Variants in CEP131 observed in about 807,000 individuals in gnomAD.
CEP131 encodes centrosomal protein 131, also known as centrosomal protein of 131 kDa.
A neutral mutation model predicts 136.8 loss-of-function variants in CEP131; 99 were observed. That is an observed-to-expected ratio of 0.72 (90% CI 0.62 to 0.86). The LOEUF (loss-of-function observed/expected upper bound fraction) is 0.86. CEP131 is among the 40% of genes least tolerant of loss of function. CEP131 has a pLI of 0.00. For synonymous variants in CEP131, 646 were observed against 612.7 expected (o/e 1.05, Z -0.80); for missense variants, 1,459 against 1,463.0 (o/e 1.00, Z 0.04).
At position 81,191,060 on chromosome 17, in the gene CEP131, G is replaced by A. The variant is rs772025386; in HGVS notation, c.2790C>T (p.Tyr930=). 11 of 1,607,024 alleles carry A rather than the reference G, an allele frequency of 6.8e-6. No homozygotes were observed. The highest frequency in any genetic ancestry group is 6.7e-5 in the Admixed American group (4 of 59,540). The change falls in exon 23 of 26, where the codon TAC becomes TAT. Residue 930 remains tyrosine, a synonymous_variant. Transcript: ENST00000450824. ...ESRIKRLRDK[Y]EAELSELEQS... is the part of the protein sequence containing the mutation. The stretch of plus-strand genomic sequence containing the variant: ...GCTCCAGCTCGGAGAGCTCGGCCTC[G>A]TACTTGTCCCGTAAGCGCTTGATGC...
chr17:81,219,204 T>C lies in CEP131; in HGVS notation c.177+676A>G, dbSNP rs1299805553. 2.0e-5 allele frequency among the ~76,000 whole-genome samples: 3 copies of C among 151,956 alleles called. No individual in the cohort carries two copies. Among genetic ancestry groups the C allele is most frequent in the Non-Finnish European group, 4.4e-5 (3 of 67,992 alleles). On this transcript the variant is annotated intron_variant, in intron 2 of 25. Coordinates refer to ENST00000450824, the MANE Select transcript of CEP131 (RefSeq NM_014984.4). The surrounding 1 kb of genome is among the most constrained non-coding windows in gnomAD (Gnocchi z 4.0). ...TCTCACCCCGAAGCTCCCACGGCTG[T>C]CCTGCTGCCCACACACCCACACACC...
chr17:81,191,311 G>C lies in CEP131; in HGVS notation c.2647C>G (p.Gln883Glu), dbSNP rs770735063. ...TTCCGGATTTCTTCCCTCAGCTCCTGTTCCCGGTTCAGCAGCCACGCCTCC... is the reference window on the plus strand; with the variant it reads ...TTCCGGATTTCTTCCCTCAGCTCCTCTTCCCGGTTCAGCAGCCACGCCTCC... Reference protein sequence around the residue: ...KEEAWLLNREQELREEIRKGR... With the variant: ...KEEAWLLNREEELREEIRKGR... Residue 883 changes from glutamine (Q) to glutamate (E), a missense_variant, in exon 22 of 26, where the codon CAG becomes GAG. Gln to Glu is a conservative substitution (Grantham distance 29). Around this residue, in one of 3 missense-constraint regions of CEP131, gnomAD observed 1,026 missense variants for 964.2 expected, o/e 1.06. Coordinates refer to ENST00000450824, the MANE Select transcript of CEP131 (RefSeq NM_014984.4). 4.3e-6 allele frequency: 7 copies of C among 1,613,072 alleles called. No homozygotes were observed. The highest frequency in any genetic ancestry group is 1.6e-4 in the Middle Eastern group (1 of 6,084).
Position 81,203,634 on chromosome 17 carries a change from T to C in CEP131, c.516-27A>G, listed in dbSNP as rs1191095894. The C allele has an allele frequency of 6.5e-7, 1 of 1,547,548 alleles. No individual in the cohort carries two copies. Among genetic ancestry groups the C allele is most frequent in the Admixed American group, 1.9e-5 (1 of 52,522 alleles). ...TGCCAGGCCGGAAGAGAGACAGGAA[T>C]GGTCAGGCCTCTGGAGGGGACGCCT... is the stretch of plus-strand genomic sequence containing the variant. On this transcript the variant is annotated intron_variant, in intron 5 of 25. Transcript: ENST00000450824. The surrounding 1 kb of genome is among the most constrained non-coding windows in gnomAD (Gnocchi z 4.6).
At chr17:81,199,051 G>GC in intron 10 of CEP131, 80 bp from the exon 11 acceptor site, 1 of 1,340,388 alleles carries the variant, frequency 7.5e-7, no homozygotes, top group East Asian at 2.5e-5. Context: ...CCGGGAAGGA[G>GC]CCAGGCATGG....
chr17:81,220,294 C>T (rs986951126), intron 1 of CEP131, among the ~76,000 whole-genome samples: 1 of 152,068 alleles, frequency 6.6e-6, no homozygotes, highest in African/African-American at 2.4e-5. Context: ...GGCAGGAGGG[C>T]CCTGGATGAT....
Position 81,189,727 on chromosome 17 carries a change from C to T in CEP131, c.*42G>A. On this transcript the variant is annotated 3_prime_UTR_variant, in exon 26 of 26. Coordinates refer to ENST00000450824, the MANE Select transcript of CEP131 (RefSeq NM_014984.4). ...CTCTGGGCCCACGTCCAGCCTCTGT[C>T]CTCTGCCTTCCGTTCTTCGACAGTG... 3 of 1,553,708 alleles carry T rather than the reference C, an allele frequency of 1.9e-6. No homozygotes were observed. Among genetic ancestry groups the T allele is most frequent in the Non-Finnish European group, 1.7e-6 (2 of 1,146,382 alleles).
In CEP131 at chr17:81,195,647, A is replaced by G. The variant is rs2061737982; in HGVS notation, c.2016+188T>C. 2.6e-5 allele frequency among the ~76,000 whole-genome samples: 4 copies of G among 152,240 alleles called. No individual in the cohort carries two copies. The South Asian group carries it at 8.3e-4, about 32-fold the overall frequency. On this transcript the variant is annotated intron_variant, in intron 16 of 25. Coordinates refer to ENST00000450824, the MANE Select transcript of CEP131 (RefSeq NM_014984.4). ...GGCCCCGCCCCAGAGCCTGGCAGCT[A>G]GAGAGGCAGGAGTGGACCAGCTCGG...
Position 81,189,608 on chromosome 17 carries a change from G to A in CEP131, c.*161C>T. The A allele has an allele frequency of 1.4e-6, 1 of 718,974 alleles. No individual in the cohort carries two copies. Among genetic ancestry groups the A allele is most frequent in the Non-Finnish European group, 2.3e-6 (1 of 437,898 alleles). 44.5% of individuals were successfully genotyped at this position (718,974 alleles called of 1,614,324 possible). ...GTCACTCAAGGCGCTGAAAACAACG[G>A]CCTCCTTTACTGTTAAAATGCAGCC... On this transcript the variant is annotated 3_prime_UTR_variant, in exon 26 of 26. Transcript: ENST00000450824.
chr17:81,209,208 G>A (rs1001966719), intron 2 of CEP131, among the ~76,000 whole-genome samples, 186 bp from the exon 3 acceptor site: 11 of 152,162 alleles, frequency 7.2e-5, no homozygotes, highest in Non-Finnish European at 1.5e-4. Context: ...GCAGGGCAGC[G>A]CGAGGGGGGC....
At position 81,191,291 on chromosome 17, in the gene CEP131, G is replaced by T. The variant is rs1423733403; in HGVS notation, c.2667C>A (p.Ile889=). 1 of 1,613,480 alleles carries T rather than the reference G, an allele frequency of 6.2e-7. No individual in the cohort carries two copies. The highest frequency in any genetic ancestry group is 8.5e-7 in the Non-Finnish European group (1 of 1,179,962). ...LNREQELREE[I]RKGRDKEIEL... ...CAATCTCCTTGTCCCGGCCTTTCCG[G>T]ATTTCTTCCCTCAGCTCCTGTTCCC... is the stretch of plus-strand genomic sequence containing the variant. Residue 889 remains isoleucine, a synonymous_variant, in exon 22 of 26, where the codon ATC becomes ATA. Transcript: ENST00000450824.
rs1199785882 is a variant in CEP131, at chr17:81,194,013, C to T, written c.2234G>A (p.Cys745Tyr). Reference protein sequence around the residue: ...LQSDERASQRCLRQAEELREQ... With the variant: ...LQSDERASQRYLRQAEELREQ... ...CCGCAGCTCCTCGGCCTGGCGCAGG[C>T]AGCGCTGCGAGGCCCGCTCATCCGA... The change falls in exon 18 of 26, where the codon TGC becomes TAC. Residue 745 changes from cysteine (C) to tyrosine (Y), a missense_variant. Physicochemically the swap from Cys to Tyr is radical, Grantham distance 194. Transcript: ENST00000450824. The T allele has an allele frequency of 6.4e-7, 1 of 1,563,786 alleles. No individual in the cohort carries two copies. The highest frequency in any genetic ancestry group is 2.3e-5 in the East Asian group (1 of 43,034).
At chr17:81,197,120 C>T (rs977460471) in intron 13 of CEP131, 65 bp from the exon 14 acceptor site, 19 of 1,528,506 alleles carry the variant, frequency 1.2e-5, no homozygotes, top group East Asian at 7.3e-5. Flanking sequence ...GGACCTGACA[C>T]GATGCCCCTG....
At chr17:81,213,899 A>G (rs1351033023) in intron 2 of CEP131, among the ~76,000 whole-genome samples, 2 of 152,194 alleles carry the variant, frequency 1.3e-5, no homozygotes, top group East Asian at 3.9e-4. Context: ...CAGTCTGATC[A>G]CGAGAAAAAT....
At chr17:81,217,526 C>A (rs983320206) in intron 2 of CEP131, among the ~76,000 whole-genome samples, 3 of 152,212 alleles carry the variant, frequency 2.0e-5, no homozygotes, top group East Asian at 3.9e-4. Context: ...GGGCAGGTGG[C>A]CGAGAGGATG....
chr17:81,201,020 T>C (rs2061878904), intron 7 of CEP131, among the ~76,000 whole-genome samples: 1 of 152,066 alleles, frequency 6.6e-6, no homozygotes, highest in Admixed American at 6.5e-5. Flanking sequence ...CTCATGGAAC[T>C]GCACACTTAC....
At position 81,192,606 on chromosome 17, in the gene CEP131, A is replaced by G; in HGVS notation, c.2430-13T>C. The G allele has an allele frequency of 6.6e-7, 1 of 1,516,660 alleles. No homozygotes were observed. The highest frequency in any genetic ancestry group is 8.9e-7 in the Non-Finnish European group (1 of 1,127,770). The allele number at this position is 1,516,660 out of a possible 1,614,324, so 94.0% of individuals were successfully genotyped here. ...CTCCGCCCGCTGCCTGCGGCCAGGG[A>G]GGAGTCAGCAGGTGAGGGGTCATCG... On this transcript the variant is annotated splice_polypyrimidine_tract_variant and intron_variant, in intron 19 of 25. Transcript: ENST00000450824.
intron 1 of CEP131, among the ~76,000 whole-genome samples, chr17:81,221,655 T>G (rs1267476670): frequency 1.3e-5 from 2 of 152,172 alleles, no homozygotes; most frequent in African/African-American, 4.8e-5. Flanking sequence ...GAGGCCTTCC[T>G]TGAGCACCCA....
chr17:81,192,685 G>GGGGGGGGGGGGGGGGCCCCCCCC, intron 19 of CEP131, 51 bp downstream of exon 19: 1 of 478,432 alleles, frequency 2.1e-6, no homozygotes, highest in Non-Finnish European at 4.1e-6. Context: ...GGGGGGAGGG[G>GGGGGGGGGGGGGGGGCCCCCCCC]TCAGCCAGCG....
Position 81,219,292 on chromosome 17 carries a change from C to CTTT in CEP131, c.177+585_177+587dup, listed in dbSNP as rs1342180490. On this transcript the variant is annotated intron_variant, in intron 2 of 25. Coordinates refer to ENST00000450824, the MANE Select transcript of CEP131 (RefSeq NM_014984.4). This position sits in a 1 kb window ranked among gnomAD's most constrained non-coding sequence, Gnocchi z 4.0. ...CCCTCCCCACAGGTCAACCCCATTT[C>CTTT]TTTCTTTTTTTTTTTTTTTTGAGAT... 5.9e-5 allele frequency among the ~76,000 whole-genome samples: 4 copies of CTTT among 68,312 alleles called. No individual in the cohort carries two copies. The highest frequency in any genetic ancestry group is 3.5e-4 in the East Asian group (1 of 2,876). 44.8% of individuals were successfully genotyped at this position (68,312 alleles called of 152,430 possible). A position where few individuals can be genotyped will look rare whatever the true frequency, so the allele number is the denominator to read the frequency against.
Sources: gnomAD v4.1 joint callset for allele counts (sites outside exome capture counted in the v4.1 genomes callset) on GRCh38, gnomAD v4.1.1 for gene constraint, gnomAD v4.1.1 regional missense constraint, Gnocchi (gnomAD v3.1) non-coding constraint, MANE v1.5 for transcripts, NCBI Gene and HGNC (gene_info 2026-07-23, HGNC 2026-07-21) for gene names.